TRERF1: variants seen among roughly 807,000 people sequenced by gnomAD.
The protein encoded by TRERF1 is transcriptional-regulating factor 1.
Under a neutral mutation model 122.9 loss-of-function variants are expected in TRERF1, and 27 were observed. The ratio of observed to expected loss-of-function variants is 0.22; its 90% CI spans 0.16 to 0.30. TRERF1 has a LOEUF of 0.30. Ranked by LOEUF, TRERF1 falls within the 10% of genes least tolerant of loss-of-function variation. The pLI, the probability that TRERF1 is intolerant of heterozygous loss-of-function variation, is 1.00. For missense variants in TRERF1, 1,248 were observed against 1,560.3 expected (o/e 0.80, Z 3.37); for synonymous variants, 636 against 641.7 (o/e 0.99, Z 0.13).
In TRERF1 at chr6:42,246,365, T is replaced by C. The variant is rs1178402201; in HGVS notation, c.2745+91A>G. 10 of 1,009,932 alleles carry C rather than the reference T, an allele frequency of 9.9e-6. No individual in the cohort carries two copies. In the East Asian group the frequency reaches 1.9e-4, roughly 20 times the overall value. 62.6% of individuals were successfully genotyped at this position (1,009,932 alleles called of 1,614,324 possible). A position where few individuals can be genotyped will look rare whatever the true frequency, so the allele number is the denominator to read the frequency against. ...GTGGAAGACATCCTTTTTGTAAGTA[T>C]CTTAAACCAGTATCCAAATATTTCT... On this transcript the variant is annotated intron_variant, in intron 14 of 17. Transcript: ENST00000372922.
intron 2 of TRERF1, among the ~76,000 whole-genome samples, chr6:42,444,030 C>T (rs2151800281): frequency 6.6e-6 from 1 of 152,156 alleles, no homozygotes; most frequent in East Asian, 1.9e-4. Flanking sequence ...TAGTCCAGAG[C>T]CTTGGTGTAG....
intron 2 of TRERF1, among the ~76,000 whole-genome samples, chr6:42,411,649 A>G (rs1443041101): frequency 6.6e-6 from 1 of 152,220 alleles, no homozygotes; most frequent in African/African-American, 2.4e-5. Flanking sequence ...ACCTGAGGGC[A>G]GGGCTTGGCT....
At chr6:42,294,180 A>ATTTTTT (rs70987589) in intron 4 of TRERF1, among the ~76,000 whole-genome samples, 3 of 129,148 alleles carry the variant, frequency 2.3e-5, no homozygotes, top group Admixed American at 8.0e-5. Flanking sequence ...CTATAATGTA[A>ATTTTTT]TTTTTTTTTT....
At chr6:42,261,245 T>C (rs1016060492) in intron 8 of TRERF1, among the ~76,000 whole-genome samples, 3 of 152,122 alleles carry the variant, frequency 2.0e-5, no homozygotes. Context: ...TCCAAGAACA[T>C]GCAGACCTTA....
intron 2 of TRERF1, among the ~76,000 whole-genome samples, chr6:42,394,748 C>G (rs976777888): frequency 1.3e-5 from 2 of 151,884 alleles, no homozygotes; most frequent in Admixed American, 1.3e-4. Flanking sequence ...TACCACCAGT[C>G]CTGATTTGAG....
intron 2 of TRERF1, among the ~76,000 whole-genome samples, chr6:42,396,589 T>C (rs1778634497): frequency 6.6e-6 from 1 of 152,222 alleles, no homozygotes. Flanking sequence ...GTGAAGAGCA[T>C]GAACTCTGAA....
intron 3 of TRERF1, among the ~76,000 whole-genome samples, chr6:42,351,415 G>A (rs1186433825): frequency 2.0e-5 from 3 of 152,128 alleles, no homozygotes; most frequent in African/African-American, 7.2e-5. Context: ...TCAATACAAG[G>A]AATAATATGT....
Position 42,231,714 on chromosome 6 carries a change from G to T in TRERF1, c.3278+967C>A, listed in dbSNP as rs114721166. On this transcript the variant is annotated intron_variant, in intron 17 of 17. Coordinates refer to ENST00000372922, the Ensembl canonical transcript of TRERF1. ...AGTACACTGGAATTCTCTACTGGAG[G>T]CTGTGGGAGGGAATCACCCATCTTA... Among the ~76,000 whole-genome samples, 447 of 152,312 alleles carry T rather than the reference G, an allele frequency of 2.9e-3. 2 individuals carry two copies. The highest frequency in any genetic ancestry group is 9.2e-3 in the African/African-American group (382 of 41,556).
chr6:42,360,580 A>G (rs1270600707), intron 3 of TRERF1, among the ~76,000 whole-genome samples: 1 of 151,960 alleles, frequency 6.6e-6, no homozygotes. Context: ...GTAAGGTATT[A>G]TTCTACTTCT....
At chr6:42,448,089 G>C (rs914075401) in intron 2 of TRERF1, among the ~76,000 whole-genome samples, 6 of 152,132 alleles carry the variant, frequency 3.9e-5, no homozygotes, top group African/African-American at 1.4e-4. Context: ...GAAATACAGA[G>C]AATCCTGGTG....
At chr6:42,264,926 C>A in intron 6 of TRERF1, 72 bp from the exon 7 acceptor site, 1 of 1,533,024 alleles carries the variant, frequency 6.5e-7, no homozygotes. Context: ...TGCCACAAGA[C>A]CTCATACCCA....
chr6:42,281,693 C>A (rs559126771), intron 4 of TRERF1, among the ~76,000 whole-genome samples: 30 of 152,254 alleles, frequency 2.0e-4, no homozygotes, highest in African/African-American at 6.0e-4. Context: ...ATCCTCCAGC[C>A]CTGTGTGGAG....
chr6:42,369,315 G>A (rs1230709746), intron 2 of TRERF1, among the ~76,000 whole-genome samples: 3 of 152,130 alleles, frequency 2.0e-5, no homozygotes, highest in Non-Finnish European at 4.4e-5. Context: ...CCAGCATGGT[G>A]GCAGGTGCCA....
At chr6:42,360,397 A>G (rs1277497770) in intron 3 of TRERF1, among the ~76,000 whole-genome samples, 1 of 152,234 alleles carries the variant, frequency 6.6e-6, no homozygotes, top group Non-Finnish European at 1.5e-5. Context: ...ACCTACTAGA[A>G]GGTCGTACGT....
chr6:42,415,109 C>A (rs193161768), intron 2 of TRERF1, among the ~76,000 whole-genome samples: 1 of 152,134 alleles, frequency 6.6e-6, no homozygotes, highest in South Asian at 2.1e-4. Context: ...GTTACAAATG[C>A]CTTCTTATTG....
At chr6:42,361,169 T>C (rs536074222) in intron 3 of TRERF1, among the ~76,000 whole-genome samples, 1 of 152,356 alleles carries the variant, frequency 6.6e-6, no homozygotes, top group African/African-American at 2.4e-5. Context: ...GAGAGAGCTC[T>C]GGTCCCTTCC....
chr6:42,294,721 C>A (rs915396543), intron 4 of TRERF1, among the ~76,000 whole-genome samples: 19 of 152,160 alleles, frequency 1.2e-4, no homozygotes, highest in African/African-American at 4.6e-4. Flanking sequence ...ACCCCAAACT[C>A]CTCAGATAAT....
At position 42,228,234 on chromosome 6, in the gene TRERF1, T is replaced by C. The variant is rs1769808509; in HGVS notation, c.*111A>G. ...TCTAAACCTGAATAAAATGACCACTTTTAAAACAGGTAGTTTAAAAGGGTT... is the reference window on the plus strand; with the variant it reads ...TCTAAACCTGAATAAAATGACCACTCTTAAAACAGGTAGTTTAAAAGGGTT... On this transcript the variant is annotated 3_prime_UTR_variant, in exon 18 of 18. Transcript: ENST00000372922. This position sits in a 1 kb window ranked among gnomAD's most constrained non-coding sequence, Gnocchi z 4.2. 6 of 968,096 alleles carry C rather than the reference T, an allele frequency of 6.2e-6. No homozygotes were observed. The highest frequency in any genetic ancestry group is 4.4e-6 in the Non-Finnish European group (3 of 682,806). 60.0% of individuals were successfully genotyped at this position (968,096 alleles called of 1,614,324 possible). A position where few individuals can be genotyped will look rare whatever the true frequency, so the allele number is the denominator to read the frequency against.
intron 2 of TRERF1, among the ~76,000 whole-genome samples, chr6:42,390,157 G>A (rs148009063): frequency 5.9e-5 from 9 of 152,178 alleles, no homozygotes; most frequent in African/African-American, 9.7e-5. Flanking sequence ...CCACGTCTTC[G>A]AGTACAAGAG....
Sources: gnomAD v4.1 joint callset for allele counts (sites outside exome capture counted in the v4.1 genomes callset) on GRCh38, gnomAD v4.1.1 for gene constraint, Gnocchi (gnomAD v3.1) non-coding constraint, MANE v1.5 for transcripts, NCBI Gene and HGNC (gene_info 2026-07-23, HGNC 2026-07-21) for gene names.